Variants in RAB38 observed in about 807,000 individuals in gnomAD.
The protein encoded by RAB38 is ras-related protein Rab-38.
Under a neutral mutation model 18.4 loss-of-function variants are expected in RAB38, and 15 were observed. That is an observed-to-expected ratio of 0.82 (90% CI 0.55 to 1.26). The LOEUF (loss-of-function observed/expected upper bound fraction) is 1.26. RAB38 is among the 50% of genes most tolerant of loss of function. The pLI, the probability that RAB38 is intolerant of heterozygous loss-of-function variation, is 0.00. For missense variants in RAB38, 294 were observed against 267.4 expected (o/e 1.10, Z -0.69); for synonymous variants, 101 against 104.4 (o/e 0.97, Z 0.20).
In RAB38 at chr11:88,124,646, A is replaced by G. The variant is rs531312398; in HGVS notation, c.484-10506T>C. The stretch of plus-strand genomic sequence containing the variant: ...CGTCTAACTCCTAAATTCCACAGTC[A>G]GATAACAACTCATTCTTAGCCTGCG... On this transcript the variant is annotated intron_variant, in intron 2 of 2. Coordinates refer to ENST00000243662, the MANE Select transcript of RAB38 (RefSeq NM_022337.3). Among the ~76,000 whole-genome samples, 22 of 152,338 alleles carry G rather than the reference A, an allele frequency of 1.4e-4. No homozygotes were observed. The South Asian group carries it at 4.4e-3, about 30-fold the overall frequency.
Position 88,114,022 on chromosome 11 carries a change from T to C in RAB38, c.602A>G (p.Lys201Arg). The change falls in exon 3 of 3, where the codon AAG becomes AGG. Residue 201 changes from lysine (K) to arginine (R), a missense_variant. Lys to Arg is a conservative substitution (Grantham distance 26, BLOSUM62 2). Transcript: ENST00000243662. ...DVVKPHLTST[K>R]VASCSGCAKS ...GGCACAGCCAGAGCAGCTGGCAACC[T>C]TGGTTGATGTGAGATGGGGCTTCAC... 6.2e-7 allele frequency: 1 copy of C among 1,614,162 alleles called. No individual in the cohort carries two copies. The highest frequency in any genetic ancestry group is 8.5e-7 in the Non-Finnish European group (1 of 1,180,010).
the RAB38 span, among the ~76,000 whole-genome samples, chr11:87,870,474 A>G: frequency 2.0e-5 from 3 of 151,544 alleles, no homozygotes; most frequent in Admixed American, 1.3e-4. Flanking sequence ...AAAAAAAATC[A>G]TTTCAGAGTC....
At chr11:87,819,701 TGTATATATATATATAC>T in the RAB38 span, among the ~76,000 whole-genome samples, 1 of 2,430 alleles carries the variant, frequency 4.1e-4, no homozygotes, top group East Asian at 0.062. Flanking sequence ...TGTGTGTGTG[TGTATATATATATATAC>T]GTGTATGTAT....
At chr11:88,131,077 A>G (rs1375356351) in intron 2 of RAB38, among the ~76,000 whole-genome samples, 1 of 152,182 alleles carries the variant, frequency 6.6e-6, no homozygotes, top group East Asian at 1.9e-4. Flanking sequence ...AAAAATACCC[A>G]TCATTACATT....
At chr11:87,878,251 CATCTATCTATCTATCTATCT>C in the RAB38 span, among the ~76,000 whole-genome samples, 57 of 103,436 alleles carry the variant, frequency 5.5e-4, 1 homozygote, top group African/African-American at 1.5e-3. Flanking sequence ...ACACACCTAT[CATCTATCTATCTATCTATCT>C]ATCTATCTAT....
chr11:87,976,689 T>A, the RAB38 span, among the ~76,000 whole-genome samples: 1 of 122,868 alleles, frequency 8.1e-6, no homozygotes, highest in Non-Finnish European at 1.6e-5. Context: ...ATTTATATAT[T>A]TACAATATAT....
Position 88,161,136 on chromosome 11 carries a change from T to C in RAB38, c.203-11181A>G, listed in dbSNP as rs965299333. Among the ~76,000 whole-genome samples the C allele has an allele frequency of 3.9e-5, 6 of 152,282 alleles. No individual in the cohort carries two copies. The South Asian group carries it at 8.3e-4, about 21-fold the overall frequency. Reference sequence around the variant, plus strand: ...ACCTTCATTGATATGTCATGTAATGTAGCACATTTTTGGTTCCGACCACTT... The same window carrying C: ...ACCTTCATTGATATGTCATGTAATGCAGCACATTTTTGGTTCCGACCACTT... On this transcript the variant is annotated intron_variant, in intron 1 of 2. Transcript: ENST00000243662.
At chr11:87,804,934 A>C in the RAB38 span, among the ~76,000 whole-genome samples, 1 of 152,136 alleles carries the variant, frequency 6.6e-6, no homozygotes, top group Non-Finnish European at 1.5e-5. Flanking sequence ...CCGCCTTTGA[A>C]TTTGAATTCA....
the RAB38 span, among the ~76,000 whole-genome samples, chr11:88,037,614 A>T: frequency 6.6e-6 from 1 of 152,118 alleles, no homozygotes; most frequent in Non-Finnish European, 1.5e-5. Flanking sequence ...TCTAAAGAAA[A>T]CTACTAATCT....
At chr11:88,028,119 G>T in the RAB38 span, among the ~76,000 whole-genome samples, 2 of 152,136 alleles carry the variant, frequency 1.3e-5, no homozygotes, top group African/African-American at 2.4e-5. Context: ...ACGCAAACAG[G>T]GTCTGGAGTG....
chr11:88,078,802 T>G, the RAB38 span, among the ~76,000 whole-genome samples: 1 of 152,030 alleles, frequency 6.6e-6, no homozygotes, highest in Non-Finnish European at 1.5e-5. Flanking sequence ...TAAGACTTCG[T>G]GTTTGATATA....
At chr11:88,095,087 A>G in the RAB38 span, among the ~76,000 whole-genome samples, 2 of 151,822 alleles carry the variant, frequency 1.3e-5, no homozygotes, top group African/African-American at 2.4e-5. Flanking sequence ...TTCTTGCACC[A>G]TTAATTTTTC....
chr11:87,878,870 C>T, the RAB38 span, among the ~76,000 whole-genome samples: 3 of 151,480 alleles, frequency 2.0e-5, no homozygotes, highest in East Asian at 3.9e-4. Flanking sequence ...CTCATTATAC[C>T]ATTCTTATGC....
At chr11:87,939,860 C>T in the RAB38 span, among the ~76,000 whole-genome samples, 11 of 152,044 alleles carry the variant, frequency 7.2e-5, no homozygotes, top group Non-Finnish European at 1.6e-4. Flanking sequence ...CCACTATACC[C>T]CAGCTACACC....
At chr11:88,168,214 C>T (rs1487558503) in intron 1 of RAB38, among the ~76,000 whole-genome samples, 2 of 152,116 alleles carry the variant, frequency 1.3e-5, no homozygotes, top group African/African-American at 4.8e-5. Context: ...GTTAGAATTA[C>T]TGTGGTATTT....
chr11:87,950,846 A>G, the RAB38 span, among the ~76,000 whole-genome samples: 3 of 152,162 alleles, frequency 2.0e-5, 1 homozygote, highest in Admixed American at 2.0e-4. Context: ...ACCTTGGTGA[A>G]TCAGACAATT....
chr11:87,893,178 A>G, the RAB38 span, among the ~76,000 whole-genome samples: 3 of 151,176 alleles, frequency 2.0e-5, no homozygotes, highest in Admixed American at 6.6e-5. Context: ...TTCTCTCACC[A>G]AAGACCAGTT....
At chr11:88,128,808 T>C (rs1231898124) in intron 2 of RAB38, among the ~76,000 whole-genome samples, 1 of 152,210 alleles carries the variant, frequency 6.6e-6, no homozygotes, top group Non-Finnish European at 1.5e-5. Flanking sequence ...GAGACAGTGG[T>C]ACCACAAGTG....
chr11:87,912,791 A>T, the RAB38 span, among the ~76,000 whole-genome samples: 2 of 54,438 alleles, frequency 3.7e-5, no homozygotes, highest in South Asian at 5.2e-4. Flanking sequence ...TAGTTCCTTC[A>T]GGTAGAAGTT....
Sources: allele counts gnomAD v4.1 joint callset (sites outside exome capture counted in the v4.1 genomes callset), GRCh38; gene constraint gnomAD v4.1.1; transcripts MANE v1.5; gene names NCBI Gene and HGNC (gene_info 2026-07-23, HGNC 2026-07-21).